The following SLC9A3 variants were observed in gnomAD, a reference collection of about 807,000 sequenced individuals.
The protein encoded by SLC9A3 is sodium/hydrogen exchanger 3.
In SLC9A3, 37 loss-of-function variants were observed where a neutral mutation model predicts 86.8. The observed-to-expected ratio is 0.43, with a 90% CI of 0.33 to 0.56. SLC9A3 has a LOEUF of 0.56. SLC9A3 is among the 20% of genes least tolerant of loss of function. SLC9A3 has a pLI of 0.06. For missense variants in SLC9A3, 1,011 were observed against 1,171.9 expected, an observed-to-expected ratio of 0.86 and a Z score of 2.00; for synonymous variants, 581 against 528.3, an observed-to-expected ratio of 1.10 and a Z score of -1.37.
rs1036874312 is a variant in SLC9A3, at chr5:473,306, G to A, written c.*73C>T. The A allele has an allele frequency of 7.3e-7, 1 of 1,364,984 alleles. No homozygotes were observed. Among genetic ancestry groups the A allele is most frequent in the Non-Finnish European group, 9.5e-7 (1 of 1,054,726 alleles). The allele number at this position is 1,364,984 out of a possible 1,614,324, so 84.6% of individuals were successfully genotyped here. A position where few individuals can be genotyped will look rare whatever the true frequency, so the allele number is the denominator to read the frequency against. ...GCGCGGGGATCTGGGGTTTCTCTGG[G>A]ACAGCGGCGGCGGCGGTGGGCGGAC... is the stretch of plus-strand genomic sequence containing the variant. On this transcript the variant is annotated 3_prime_UTR_variant, in exon 17 of 17. Transcript: ENST00000264938.
chr5:489,678 T>C (rs1235963367), intron 2 of SLC9A3, among the ~76,000 whole-genome samples: 1 of 152,090 alleles, frequency 6.6e-6, no homozygotes, highest in Non-Finnish European at 1.5e-5. Context: ...ACACAAGCCT[T>C]CTCCTCTTCC....
In SLC9A3 at chr5:470,752, C is replaced by G. The variant is rs774579125; in HGVS notation, c.*2627G>C. The stretch of plus-strand genomic sequence containing the variant: ...CTTTCACAATAGAAGATCAATGGTA[C>G]ACAGTATATTGAACTCTGTAACAAA... On this transcript the variant is annotated 3_prime_UTR_variant, in exon 17 of 17. Coordinates refer to ENST00000264938, the MANE Select transcript of SLC9A3 (RefSeq NM_004174.4). The G allele has an allele frequency of 3.3e-5, 5 of 152,234 alleles. No homozygotes were observed. Among genetic ancestry groups the G allele is most frequent in the Non-Finnish European group, 7.3e-5 (5 of 68,028 alleles). 9.4% of individuals were successfully genotyped at this position (152,234 alleles called of 1,614,324 possible).
intron 1 of SLC9A3, among the ~76,000 whole-genome samples, chr5:500,956 C>T (rs116419012): frequency 0.053 from 6,492 of 123,600 alleles, 465 homozygotes; most frequent in African/African-American, 0.18. Flanking sequence ...GCCCTGAGTC[C>T]GCCTGCCACA....
chr5:486,463 C>T (rs903685956), intron 3 of SLC9A3, among the ~76,000 whole-genome samples: 1 of 152,228 alleles, frequency 6.6e-6, no homozygotes, highest in Non-Finnish European at 1.5e-5. Flanking sequence ...CCTGAATCTT[C>T]TCCTGGCCTT....
rs59071853 is a variant in SLC9A3, at chr5:502,517, G to A, written c.212-10446C>T. On this transcript the variant is annotated intron_variant, in intron 1 of 16. Coordinates refer to ENST00000264938, the MANE Select transcript of SLC9A3 (RefSeq NM_004174.4). ...CAAGACACCGGTCGCAACGTCCTGG[G>A]GCAACGGAAGTCACGAGACACGTGA... Among the ~76,000 whole-genome samples the A allele has an allele frequency of 3.6e-3, 541 of 152,358 alleles. 3 individuals are homozygous for A. The highest frequency in any genetic ancestry group is 0.013 in the African/African-American group (534 of 41,590).
At chr5:481,933 T>C (rs1739203934) in intron 8 of SLC9A3, 135 bp downstream of exon 8, 1 of 289,312 alleles carries the variant, frequency 3.5e-6, no homozygotes, top group Non-Finnish European at 6.5e-6. Flanking sequence ...TCTCCCCTCC[T>C]GGCCCAGCCC....
chr5:482,653 G>T lies in SLC9A3; in HGVS notation c.1251C>A (p.Ala417=), dbSNP rs368918554. 1 of 1,612,580 alleles carries T rather than the reference G, an allele frequency of 6.2e-7. No homozygotes were observed. The highest frequency in any genetic ancestry group is 1.1e-5 in the South Asian group (1 of 91,062). ...VVLSYGGLRG[A]VAFALVVLLD... is the part of the protein sequence containing the mutation. ...GAAGCACCACCAGGGCAAAGGCCAC[G>T]GCCCCGCGCAGGCCCCCGTAGGACA... Residue 417 remains alanine, a synonymous_variant, in exon 7 of 17, where the codon GCC becomes GCA. Coordinates refer to ENST00000264938, the MANE Select transcript of SLC9A3 (RefSeq NM_004174.4).
intron 16 of SLC9A3, among the ~76,000 whole-genome samples, chr5:474,259 GA>G (rs1349217111): frequency 1.7e-4 from 3 of 17,972 alleles, no homozygotes; most frequent in Admixed American, 3.0e-4. Context: ...AGACCTGGAG[GA>G]GAGGAGCTGC....
intron 1 of SLC9A3, among the ~76,000 whole-genome samples, chr5:499,961 C>T (rs549512441): frequency 1.3e-5 from 2 of 152,368 alleles, no homozygotes; most frequent in South Asian, 2.1e-4. Context: ...TGGGCCCCGT[C>T]GGAGCCACCA....
At chr5:494,066 G>T (rs930272059) in intron 1 of SLC9A3, among the ~76,000 whole-genome samples, 1 of 152,236 alleles carries the variant, frequency 6.6e-6, no homozygotes, top group Non-Finnish European at 1.5e-5. Flanking sequence ...GCAGGGTCCC[G>T]TCTGCTCCAG....
rs61584431 is a variant in SLC9A3, at chr5:500,652, GGGGCTAGTA to G, written c.212-8590_212-8582del. On this transcript the variant is annotated intron_variant, in intron 1 of 16. Coordinates refer to ENST00000264938, the MANE Select transcript of SLC9A3 (RefSeq NM_004174.4). Reference sequence around the variant, plus strand: ...GCGTGGATGGGGCTGGTGTGGACATGGGGCTAGTATGGATGGGGCTGGTGTGGATGGGGC... The same window carrying G: ...GCGTGGATGGGGCTGGTGTGGACATGTGGATGGGGCTGGTGTGGATGGGGC... 1.5e-3 allele frequency among the ~76,000 whole-genome samples: 159 copies of G among 105,038 alleles called. 2 individuals carry two copies. Among genetic ancestry groups the G allele is most frequent in the East Asian group, 4.3e-3 (10 of 2,328 alleles). 68.9% of individuals were successfully genotyped at this position (105,038 alleles called of 152,430 possible).
chr5:477,406 G>C lies in SLC9A3; in HGVS notation c.1686C>G (p.Pro562=). The C allele has an allele frequency of 6.2e-7, 1 of 1,613,000 alleles. No individual in the cohort carries two copies. Among genetic ancestry groups the C allele is most frequent in the Non-Finnish European group, 8.5e-7 (1 of 1,179,734 alleles). The change falls in exon 11 of 17, where the codon CCC becomes CCG. Residue 562 remains proline, a synonymous_variant. Transcript: ENST00000264938. ...RRGSLAFIRS[P]STDNVVNVDF... ...CCACGTTGACCACGTTGTCGGTGCT[G>C]GGGGAGCGGATGAAGGCCAGGGACC...
intron 1 of SLC9A3, among the ~76,000 whole-genome samples, chr5:518,619 G>A (rs1733801531): frequency 6.6e-6 from 1 of 152,182 alleles, no homozygotes; most frequent in Non-Finnish European, 1.5e-5. Context: ...GTGCAGGATG[G>A]GAACCCCAAC....
chr5:514,025 G>A (rs1445479705), intron 1 of SLC9A3, among the ~76,000 whole-genome samples: 4 of 152,224 alleles, frequency 2.6e-5, no homozygotes, highest in Non-Finnish European at 5.9e-5. Context: ...GGGTGTGGGC[G>A]GTGGGCAAAA....
At chr5:485,316 C>T (rs567953499) in intron 3 of SLC9A3, 85 bp from the exon 4 acceptor site, 23 of 1,111,832 alleles carry the variant, frequency 2.1e-5, no homozygotes, top group Admixed American at 5.4e-5. Flanking sequence ...GGACTTGGCC[C>T]GAGTGTGGAG....
At chr5:480,583 TGA>T (rs777190014) in intron 9 of SLC9A3, 46 of 152,608 alleles carry the variant, frequency 3.0e-4, no homozygotes, top group Non-Finnish European at 5.6e-4. Flanking sequence ...CTGTACAGGC[TGA>T]GTTTCAGCCA....
intron 1 of SLC9A3, among the ~76,000 whole-genome samples, chr5:512,096 G>A (rs1377136833): frequency 2.6e-5 from 4 of 152,240 alleles, no homozygotes; most frequent in South Asian, 4.1e-4. Flanking sequence ...TGGTTGCCAC[G>A]GGTTAGGGGG....
At chr5:518,318 C>A (rs1733791651) in intron 1 of SLC9A3, among the ~76,000 whole-genome samples, 1 of 152,014 alleles carries the variant, frequency 6.6e-6, no homozygotes, top group South Asian at 2.1e-4. Context: ...TACCCTGAGA[C>A]CTGGCACCCT....
chr5:495,300 TCAGGGACA>T (rs143782546), intron 1 of SLC9A3, among the ~76,000 whole-genome samples: 1 of 150,574 alleles, frequency 6.6e-6, no homozygotes, highest in Non-Finnish European at 1.5e-5. Flanking sequence ...GGCCAGCAAG[TCAGGGACA>T]CAGGGACACA....
Sources: gnomAD v4.1 joint callset for allele counts (sites outside exome capture counted in the v4.1 genomes callset) on GRCh38, gnomAD v4.1.1 for gene constraint, MANE v1.5 for transcripts, NCBI Gene and HGNC (gene_info 2026-07-23, HGNC 2026-07-21) for gene names.